ESRRG: variants seen among roughly 807,000 people sequenced by gnomAD.
ESRRG encodes the protein estrogen-related receptor gamma.
Under a neutral mutation model 44.0 loss-of-function variants are expected in ESRRG, and 13 were observed. That is an observed-to-expected ratio of 0.30 (90% confidence interval 0.19 to 0.47). ESRRG has a LOEUF of 0.47. ESRRG is among the 20% of genes least tolerant of loss of function. The pLI, the probability that ESRRG is intolerant of heterozygous loss-of-function variation, is 1.00. For synonymous variants in ESRRG, 215 were observed against 214.6 expected, an observed-to-expected ratio of 1.00 and a Z score of -0.02; for missense variants, 395 against 580.6, an observed-to-expected ratio of 0.68 and a Z score of 3.29.
At chr1:217,006,055 C>A (rs2077694311) in intron 1 of ESRRG, among the ~76,000 whole-genome samples, 1 of 151,962 alleles carries the variant, frequency 6.6e-6, no homozygotes, top group South Asian at 2.1e-4. Context: ...ATTGGAATGG[C>A]TTTGAACTCA....
At chr1:216,633,904 T>C (rs1378234944) in intron 3 of ESRRG, among the ~76,000 whole-genome samples, 3 of 152,206 alleles carry the variant, frequency 2.0e-5, no homozygotes. Context: ...AAAATAGTTT[T>C]CCAGAATTTC....
At chr1:216,561,137 T>C (rs957533549) in intron 5 of ESRRG, among the ~76,000 whole-genome samples, 2 of 151,860 alleles carry the variant, frequency 1.3e-5, no homozygotes, top group African/African-American at 4.8e-5. Flanking sequence ...TATTTACTGA[T>C]AAAAAAAACC....
chr1:216,949,651 A>G (rs1318879785), intron 1 of ESRRG, among the ~76,000 whole-genome samples: 1 of 152,194 alleles, frequency 6.6e-6, no homozygotes, highest in Admixed American at 6.5e-5. Flanking sequence ...GAAAAAGGCA[A>G]GGAAAGTACA....
intron 2 of ESRRG, among the ~76,000 whole-genome samples, chr1:216,901,079 G>A (rs1898312): frequency 0.23 from 35,189 of 151,898 alleles, 7,320 homozygotes; most frequent in African/African-American, 0.55. Flanking sequence ...GTGATGATGT[G>A]CCTATGTTAA....
At chr1:216,528,021 G>A (rs147566975) in intron 5 of ESRRG, among the ~76,000 whole-genome samples, 25 of 151,202 alleles carry the variant, frequency 1.7e-4, no homozygotes, top group South Asian at 6.2e-4. Flanking sequence ...CATAGCTGGC[G>A]CTCAGTAAAT....
intron 2 of ESRRG, among the ~76,000 whole-genome samples, chr1:216,755,335 C>T (rs1178652117): frequency 6.6e-6 from 1 of 151,776 alleles, no homozygotes; most frequent in East Asian, 1.9e-4. Context: ...TCATGATTTG[C>T]CTTCATTCCA....
intron 1 of ESRRG, among the ~76,000 whole-genome samples, chr1:216,977,066 G>A (rs543821688): frequency 2.0e-5 from 3 of 151,964 alleles, no homozygotes; most frequent in Admixed American, 1.3e-4. Flanking sequence ...AATCTTGCTC[G>A]CTCTCTCTTA....
intron 2 of ESRRG, among the ~76,000 whole-genome samples, chr1:216,936,910 A>G (rs1045753623): frequency 2.6e-5 from 4 of 152,122 alleles, no homozygotes; most frequent in African/African-American, 9.7e-5. Context: ...TATTTGCTCA[A>G]ATCTATTTGC....
At chr1:217,085,150 AC>A (rs2092001828) in intron 1 of ESRRG, among the ~76,000 whole-genome samples, 1 of 151,958 alleles carries the variant, frequency 6.6e-6, no homozygotes, top group African/African-American at 2.4e-5. Flanking sequence ...GAAAAAGAAA[AC>A]TTCCTTCTCT....
intron 1 of ESRRG, among the ~76,000 whole-genome samples, chr1:216,702,316 C>T (rs1424379204): frequency 6.6e-6 from 1 of 152,022 alleles, no homozygotes; most frequent in East Asian, 1.9e-4. Context: ...CTATAAGAGG[C>T]CAAAAAGAGA....
At chr1:216,627,177 A>G (rs1558893910) in intron 3 of ESRRG, among the ~76,000 whole-genome samples, 1 of 152,352 alleles carries the variant, frequency 6.6e-6, no homozygotes, top group Admixed American at 6.5e-5. Flanking sequence ...AACATCTCGA[A>G]TCCAGATAGG....
chr1:217,092,523 C>T (rs946436), upstream of ESRRG, among the ~76,000 whole-genome samples: 146,349 of 152,268 alleles, frequency 0.96, 70,617 homozygotes, highest in Middle Eastern at 1. Flanking sequence ...GAGTGTTCGC[C>T]ATCAAGCTCT....
At chr1:216,695,121 G>T (rs1020023363) in intron 1 of ESRRG, among the ~76,000 whole-genome samples, 37 of 152,096 alleles carry the variant, frequency 2.4e-4, no homozygotes, top group Middle Eastern at 6.8e-3. Context: ...ATCGGAGGAG[G>T]TTTTTGCACT....
At chr1:216,839,498 G>T (rs1317949713) in intron 2 of ESRRG, among the ~76,000 whole-genome samples, 1 of 152,132 alleles carries the variant, frequency 6.6e-6, no homozygotes, top group East Asian at 1.9e-4. Context: ...CTTCCAGAAG[G>T]TTTTCAATGT....
rs975143885 is a variant in ESRRG at position 216,589,592 on chromosome 1, G to A, written c.590-21494C>T. On this transcript the variant is annotated intron_variant, in intron 3 of 6. Coordinates refer to ENST00000408911, the MANE Select transcript of ESRRG (RefSeq NM_001438.4). Reference sequence around the variant, plus strand: ...AACTAAGAAAGGATGGAGAAAATTGGTGACTACTGTACCATCCAAACTAAG... The same window carrying A: ...AACTAAGAAAGGATGGAGAAAATTGATGACTACTGTACCATCCAAACTAAG... Among the ~76,000 whole-genome samples the A allele has an allele frequency of 2.6e-5, 4 of 152,130 alleles. No individual in the cohort carries two copies. In the South Asian group the frequency reaches 6.2e-4, roughly 24 times the overall value.
At chr1:217,037,381 G>A (rs1193431513) in intron 1 of ESRRG, among the ~76,000 whole-genome samples, 5 of 152,282 alleles carry the variant, frequency 3.3e-5, no homozygotes, top group African/African-American at 1.2e-4. Flanking sequence ...GGGCAAGGAG[G>A]AGCAAGTCAC....
At chr1:216,519,553 A>T in intron 5 of ESRRG, 132 bp from the exon 6 acceptor site, 1 of 862,418 alleles carries the variant, frequency 1.2e-6, no homozygotes, top group Non-Finnish European at 1.7e-6. Flanking sequence ...AGCTCTTAAA[A>T]TTTTCCCTGG....
intron 2 of ESRRG, among the ~76,000 whole-genome samples, chr1:216,752,232 C>A (rs2092089551): frequency 6.6e-6 from 1 of 152,032 alleles, no homozygotes; most frequent in Non-Finnish European, 1.5e-5. Flanking sequence ...TCCTTTGCTT[C>A]AATAGCAAGA....
chr1:216,928,238 C>A (rs1404858112), intron 2 of ESRRG, among the ~76,000 whole-genome samples: 1 of 152,078 alleles, frequency 6.6e-6, no homozygotes, highest in African/African-American at 2.4e-5. Context: ...TTGAATTTTT[C>A]CCCTGTAAAA....
Sources: allele counts gnomAD v4.1 joint callset (sites outside exome capture counted in the v4.1 genomes callset), GRCh38; gene constraint gnomAD v4.1.1; transcripts MANE v1.5; gene names NCBI Gene and HGNC (gene_info 2026-07-23, HGNC 2026-07-21).